The following ADGRL3 variants were observed in gnomAD, a reference collection of about 807,000 sequenced individuals.
The protein encoded by ADGRL3 is adhesion G protein-coupled receptor L3, also known as calcium-independent alpha-latrotoxin receptor 3.
In ADGRL3, 62 loss-of-function variants were observed where a neutral mutation model predicts 153.5. The ratio of observed to expected loss-of-function variants is 0.40; its 90% CI spans 0.33 to 0.50. The LOEUF is 0.50. Among genes scored for constraint, ADGRL3 ranks in the 20% least tolerant of loss-of-function variants. The probability of loss-of-function intolerance (pLI) is 0.47; values close to 1 mark genes in which losing one functional copy is unlikely to be tolerated. For missense variants in ADGRL3, 1,641 were observed against 1,859.4 expected (o/e 0.88, Z 2.16); for synonymous variants, 710 against 672.5 (o/e 1.06, Z -0.86).
chr4:61,429,500 G>A (rs2097329173), intron 2 of ADGRL3, among the ~76,000 whole-genome samples: 1 of 152,088 alleles, frequency 6.6e-6, no homozygotes, highest in Non-Finnish European at 1.5e-5. Flanking sequence ...AATGATAATT[G>A]TACAGTTGAT....
Position 62,048,736 on chromosome 4 carries a change from A to C in ADGRL3, c.3814+4187A>C, listed in dbSNP as rs1283182646. 3.4e-5 allele frequency among the ~76,000 whole-genome samples: 5 copies of C among 148,852 alleles called. No homozygotes were observed. In the East Asian group the frequency reaches 1.0e-3, roughly 30 times the overall value. On this transcript the variant is annotated intron_variant, in intron 25 of 26. Transcript: ENST00000683033. ...ATTTTCTTTTTTTTTAACTTTTTTTAGGGATAGGGTTTTGCCGTGTTGCCC... is the reference window on the plus strand; with the variant it reads ...ATTTTCTTTTTTTTTAACTTTTTTTCGGGATAGGGTTTTGCCGTGTTGCCC...
Position 61,294,646 on chromosome 4 carries a change from A to C in ADGRL3, c.-239-88478A>C, listed in dbSNP as rs189453175. Among the ~76,000 whole-genome samples, 206 of 152,260 alleles carry C rather than the reference A, an allele frequency of 1.4e-3. 1 individual carries two copies. The highest frequency in any genetic ancestry group is 4.8e-3 in the African/African-American group (200 of 41,554). ...TAAAATAATCATGTTCTGTCTTATA[A>C]TCAGAGGCATCTTATCATTGTTGAA... On this transcript the variant is annotated intron_variant, in intron 1 of 26. Transcript: ENST00000683033.
At chr4:61,867,540 A>ATATATATATATATATATATATATATATAT (rs201200813) in intron 9 of ADGRL3, among the ~76,000 whole-genome samples, 136 of 132,026 alleles carry the variant, frequency 1.0e-3, no homozygotes, top group Non-Finnish European at 1.7e-3. Context: ...ATATATATAT[A>ATATATATATATATATATATATATATATAT]ATTGTAGGAG....
At position 62,075,890 on chromosome 4, in the gene ADGRL3, C is replaced by G. The variant is rs1746987456; in HGVS notation, c.*4982C>G. ...AAACAATTAAATTTTCATTTGTAGG[C>G]TAGCAGAACTTAAATGTGTTGGTAG... On this transcript the variant is annotated 3_prime_UTR_variant, in exon 27 of 27. Coordinates refer to ENST00000683033, the MANE Select transcript of ADGRL3 (RefSeq NM_001387552.1). The G allele has an allele frequency of 1.3e-5, 2 of 152,084 alleles. No homozygotes were observed. Among genetic ancestry groups the G allele is most frequent in the African/African-American group, 4.8e-5 (2 of 41,424 alleles). The allele number at this position is 152,084 out of a possible 1,614,324, so 9.4% of individuals were successfully genotyped here. A position where few individuals can be genotyped will look rare whatever the true frequency, so the allele number is the denominator to read the frequency against.
rs551110536 is a variant in ADGRL3, at chr4:62,070,589, A to G, written c.4313A>G (p.Asn1438Ser). ...GAGAGCTTTTTCCCTTTGCTAACCA[A>G]CGAGCACACAGAAGATCTCCAGTCA... Reference protein sequence around the residue: ...HSESFFPLLTNEHTEDLQSPH... With the variant: ...HSESFFPLLTSEHTEDLQSPH... The change falls in exon 27 of 27, where the codon AAC becomes AGC. Residue 1438 changes from asparagine (N) to serine (S), a missense_variant. By Grantham distance (46) the Asn-to-Ser change is conservative. Around this residue, in one of 5 missense-constraint regions of ADGRL3, gnomAD observed 517 missense variants for 555.0 expected, o/e 0.93. Transcript: ENST00000683033. 8.4e-6 allele frequency: 13 copies of G among 1,551,604 alleles called. 1 individual carries two copies. Among genetic ancestry groups the G allele is most frequent in the South Asian group, 8.3e-5 (7 of 84,032 alleles).
intron 1 of ADGRL3, among the ~76,000 whole-genome samples, chr4:61,297,716 G>A (rs1014374462): frequency 1.3e-5 from 2 of 150,916 alleles, no homozygotes; most frequent in Admixed American, 6.6e-5. Context: ...TTTGATGCAG[G>A]GTTTGTTTTA....
intron 6 of ADGRL3, among the ~76,000 whole-genome samples, chr4:61,727,122 ATATCT>A (rs1352461923): frequency 1.3e-5 from 2 of 152,164 alleles, no homozygotes; most frequent in African/African-American, 4.8e-5. Context: ...GGCTGAACAA[ATATCT>A]TATTTTTTGA....
At chr4:61,376,918 T>C (rs149199044) in intron 1 of ADGRL3, among the ~76,000 whole-genome samples, 22 of 152,264 alleles carry the variant, frequency 1.4e-4, no homozygotes, top group Admixed American at 3.9e-4. Flanking sequence ...TGGGTAGCTT[T>C]TGATACTTGA....
At chr4:62,037,687 G>T (rs1460057031) in intron 23 of ADGRL3, 44 bp from the exon 24 acceptor site, 4 of 1,609,988 alleles carry the variant, frequency 2.5e-6, no homozygotes, top group Non-Finnish European at 3.4e-6. Flanking sequence ...GTTCCTACCT[G>T]CAATGAATTA....
chr4:61,521,638 C>A (rs76649935), intron 4 of ADGRL3, among the ~76,000 whole-genome samples: 1 of 151,926 alleles, frequency 6.6e-6, no homozygotes, highest in Non-Finnish European at 1.5e-5. Context: ...ATGATGATGG[C>A]CAAATAACAG....
At chr4:61,904,630 A>G (rs1325867315) in intron 11 of ADGRL3, among the ~76,000 whole-genome samples, 5 of 152,004 alleles carry the variant, frequency 3.3e-5, no homozygotes, top group African/African-American at 1.2e-4. Flanking sequence ...TTCCCACTCC[A>G]ATAATACAAT....
chr4:62,042,611 C>A (rs1728981483), intron 24 of ADGRL3, among the ~76,000 whole-genome samples: 2 of 151,742 alleles, frequency 1.3e-5, no homozygotes, highest in South Asian at 4.2e-4. Flanking sequence ...ATGGGGACAG[C>A]TCATATAAAT....
At chr4:61,514,008 T>G (rs528552024) in intron 3 of ADGRL3, among the ~76,000 whole-genome samples, 7 of 152,322 alleles carry the variant, frequency 4.6e-5, no homozygotes, top group South Asian at 4.1e-4. Flanking sequence ...GTATTTTTAA[T>G]AGCTAATTTG....
chr4:61,557,883 G>A (rs1201206098), intron 4 of ADGRL3, among the ~76,000 whole-genome samples: 1 of 151,408 alleles, frequency 6.6e-6, no homozygotes, highest in Non-Finnish European at 1.5e-5. Flanking sequence ...TTCATAAGAA[G>A]GGAATATAGG....
intron 2 of ADGRL3, chr4:61,427,611 C>T (rs2097298575): frequency 6.5e-6 from 1 of 152,750 alleles, no homozygotes; most frequent in South Asian, 2.1e-4. Context: ...CCCTGGGGCC[C>T]CAGTGGCTGT....
At chr4:62,023,585 A>T (rs1439787371) in intron 21 of ADGRL3, among the ~76,000 whole-genome samples, 5 of 152,254 alleles carry the variant, frequency 3.3e-5, no homozygotes, top group African/African-American at 2.4e-5. Context: ...ATTTTAAGAA[A>T]TTTCCATAGC....
intron 1 of ADGRL3, among the ~76,000 whole-genome samples, chr4:61,301,543 T>C (rs576168617): frequency 6.6e-6 from 1 of 152,288 alleles, no homozygotes; most frequent in Admixed American, 6.5e-5. Context: ...CTGCCAGTAG[T>C]AAACCTTTCA....
intron 13 of ADGRL3, among the ~76,000 whole-genome samples, chr4:61,916,377 A>G (rs2098745164): frequency 6.6e-6 from 1 of 152,178 alleles, no homozygotes; most frequent in Non-Finnish European, 1.5e-5. Flanking sequence ...ATGGGCCTAC[A>G]TAGCCCCAGC....
intron 1 of ADGRL3, among the ~76,000 whole-genome samples, chr4:61,323,957 G>T (rs529226113): frequency 6.6e-6 from 1 of 152,152 alleles, no homozygotes; most frequent in Non-Finnish European, 1.5e-5. Context: ...AGGTTTATTG[G>T]ACTTACAGTT....
Sources: allele counts gnomAD v4.1 joint callset (sites outside exome capture counted in the v4.1 genomes callset), GRCh38; gene constraint gnomAD v4.1.1; regional missense constraint gnomAD v4.1.1; transcripts MANE v1.5; gene names NCBI Gene and HGNC (gene_info 2026-07-23, HGNC 2026-07-21).